ADCY8: variants seen among roughly 807,000 people sequenced by gnomAD.
The protein encoded by ADCY8 is adenylate cyclase 8.
ADCY8 carries 51 observed loss-of-function variants against 119.7 expected under a neutral mutation model. The observed-to-expected ratio is 0.43, with a 90% CI of 0.34 to 0.54. The LOEUF (loss-of-function observed/expected upper bound fraction) is 0.54, where lower values mean the gene tolerates loss of function less well. Among genes scored for constraint, ADCY8 ranks in the 20% least tolerant of loss-of-function variants. The pLI, the probability that ADCY8 is intolerant of heterozygous loss-of-function variation, is 0.03. For missense variants in ADCY8, 1,383 were observed against 1,598.8 expected, an observed-to-expected ratio of 0.87 and a Z score of 2.30; for synonymous variants, 665 against 651.0, an observed-to-expected ratio of 1.02 and a Z score of -0.33.
chr8:130,798,575 G>C (rs1350295696), intron 15 of ADCY8, among the ~76,000 whole-genome samples: 2 of 152,158 alleles, frequency 1.3e-5, no homozygotes, highest in African/African-American at 2.4e-5. Flanking sequence ...TAGAGTTGAT[G>C]AAGGGGAGCC....
At position 130,952,812 on chromosome 8, in the gene ADCY8, G is replaced by A. The variant is rs558641100; in HGVS notation, c.1111-814C>T. 7.9e-5 allele frequency among the ~76,000 whole-genome samples: 12 copies of A among 152,144 alleles called. No homozygotes were observed. In the South Asian group the frequency reaches 2.5e-3, roughly 32 times the overall value. ...AACCGAGATGGCAGGAAAGAAAAAGGGTGTGCCCACCATGATAGCTAGTTT... is the reference window on the plus strand; with the variant it reads ...AACCGAGATGGCAGGAAAGAAAAAGAGTGTGCCCACCATGATAGCTAGTTT... On this transcript the variant is annotated intron_variant, in intron 2 of 17. Transcript: ENST00000286355.
rs1818181505 is a variant in ADCY8 at position 130,867,851 on chromosome 8, A to C, written c.2205T>G (p.Ser735=). The change falls in exon 9 of 18, where the codon TCT becomes TCG. Residue 735 remains serine, a synonymous_variant. Coordinates refer to ENST00000286355, the MANE Select transcript of ADCY8 (RefSeq NM_001115.3). ...FITAIQSLLP[S]SRVMPMTIQF... ...ATTAGTTCTTTTACATTTACCTTGA[A>C]GAAGGAAGCAAACTTTGTATTGCCG... is the stretch of plus-strand genomic sequence containing the variant. 6.2e-7 allele frequency: 1 copy of C among 1,607,848 alleles called. No individual in the cohort carries two copies. The highest frequency in any genetic ancestry group is 1.7e-5 in the Admixed American group (1 of 59,742).
chr8:130,869,518 G>GTT (rs141048498), intron 8 of ADCY8, among the ~76,000 whole-genome samples: 21 of 118,706 alleles, frequency 1.8e-4, no homozygotes, highest in African/African-American at 6.3e-4. Flanking sequence ...ATTTTTTTTT[G>GTT]TTTTTTTGTT....
At chr8:130,948,705 G>T (rs1821180879) in intron 3 of ADCY8, among the ~76,000 whole-genome samples, 1 of 149,940 alleles carries the variant, frequency 6.7e-6, no homozygotes, top group South Asian at 2.1e-4. Flanking sequence ...AGTTTACCAT[G>T]AAGAGGGTGA....
intron 9 of ADCY8, among the ~76,000 whole-genome samples, chr8:130,860,081 T>G (rs1048815153): frequency 1.3e-5 from 2 of 152,176 alleles, no homozygotes; most frequent in African/African-American, 4.8e-5. Context: ...AGTTATTTAT[T>G]TATTTATATA....
At chr8:130,966,039 C>G (rs145619849) in intron 2 of ADCY8, among the ~76,000 whole-genome samples, 97 of 152,280 alleles carry the variant, frequency 6.4e-4, no homozygotes, top group African/African-American at 2.3e-3. Flanking sequence ...TCAAGATACT[C>G]ATATTTTCCT....
At chr8:130,843,950 T>C (rs73716643) in intron 11 of ADCY8, among the ~76,000 whole-genome samples, 8,953 of 152,076 alleles carry the variant, frequency 0.059, 259 homozygotes, top group Non-Finnish European at 0.07. Flanking sequence ...AACCACATTA[T>C]GGAAAAAGGG....
At chr8:130,974,211 C>T (rs1822005758) in intron 2 of ADCY8, among the ~76,000 whole-genome samples, 1 of 152,208 alleles carries the variant, frequency 6.6e-6, no homozygotes, top group Non-Finnish European at 1.5e-5. Flanking sequence ...CCTTTGCTGG[C>T]TCCTGTCTTG....
chr8:130,997,895 C>G (rs1358660282), intron 1 of ADCY8, among the ~76,000 whole-genome samples: 1 of 152,144 alleles, frequency 6.6e-6, no homozygotes, highest in Non-Finnish European at 1.5e-5. Flanking sequence ...TAAGCCACCT[C>G]TGACCCAGAG....
chr8:130,788,960 T>C (rs1815341447), intron 15 of ADCY8, among the ~76,000 whole-genome samples: 1 of 152,128 alleles, frequency 6.6e-6, no homozygotes, highest in Non-Finnish European at 1.5e-5. Context: ...TATAAAATTC[T>C]GGAAAATGCA....
intron 1 of ADCY8, among the ~76,000 whole-genome samples, chr8:131,015,467 C>T (rs1823442824): frequency 6.6e-6 from 1 of 152,112 alleles, no homozygotes; most frequent in South Asian, 2.1e-4. Context: ...CAAACATTTG[C>T]AGCAATTGCC....
chr8:130,836,554 T>A (rs751994797), intron 11 of ADCY8, 105 bp from the exon 12 acceptor site: 28 of 1,275,552 alleles, frequency 2.2e-5, no homozygotes, highest in Non-Finnish European at 2.9e-5. Flanking sequence ...GAGTTTCCAT[T>A]TGGAGGTCTC....
intron 1 of ADCY8, among the ~76,000 whole-genome samples, chr8:131,029,242 A>G (rs1823919096): frequency 1.3e-5 from 2 of 152,246 alleles, no homozygotes. Context: ...AGATGGGACC[A>G]TCTAGCTGCA....
Position 130,780,843 on chromosome 8 carries a change from G to A in ADCY8, c.3303C>T (p.Ile1101=), listed in dbSNP as rs763870480. ...ISHGSVVAGV[I]GAKKPQYDIW... is the part of the protein sequence containing the mutation. ...TGTCATACTGTGGTTTCTTAGCGCC[G>A]ATAACGCCAGCTACCACTGAGCCGT... Residue 1101 remains isoleucine, a synonymous_variant, in exon 18 of 18, where the codon ATC becomes ATT. Transcript: ENST00000286355. 79 of 1,613,942 alleles carry A rather than the reference G, an allele frequency of 4.9e-5. No individual in the cohort carries two copies. Among genetic ancestry groups the A allele is most frequent in the African/African-American group, 2.0e-4 (15 of 74,906 alleles).
At chr8:131,005,622 T>C (rs1823091601) in intron 1 of ADCY8, among the ~76,000 whole-genome samples, 1 of 152,240 alleles carries the variant, frequency 6.6e-6, no homozygotes, top group Non-Finnish European at 1.5e-5. Flanking sequence ...AGTTTCCATT[T>C]GGGCTTTGCC....
intron 2 of ADCY8, among the ~76,000 whole-genome samples, chr8:130,982,242 C>T (rs1323066968): frequency 6.6e-6 from 1 of 152,196 alleles, no homozygotes; most frequent in Non-Finnish European, 1.5e-5. Flanking sequence ...CCACTCAAAA[C>T]CTTCCTGGCA....
At chr8:131,004,149 C>G (rs1563763829) in intron 1 of ADCY8, among the ~76,000 whole-genome samples, 1 of 152,208 alleles carries the variant, frequency 6.6e-6, no homozygotes, top group Non-Finnish European at 1.5e-5. Context: ...TGGATGTAGT[C>G]TAGTGTACCA....
rs1378056811 is a variant in ADCY8 at position 130,952,017 on chromosome 8, G to T, written c.1111-19C>A. ...GCCGCTCCTGGAACAAATGAAGAGGGACGGTCCTGTTAGGCTGACCAGCGA... is the reference window on the plus strand; with the variant it reads ...GCCGCTCCTGGAACAAATGAAGAGGTACGGTCCTGTTAGGCTGACCAGCGA... On this transcript the variant is annotated intron_variant, in intron 2 of 17. Coordinates refer to ENST00000286355, the MANE Select transcript of ADCY8 (RefSeq NM_001115.3). 1.9e-6 allele frequency: 3 copies of T among 1,613,548 alleles called. No individual in the cohort carries two copies. The highest frequency in any genetic ancestry group is 2.5e-6 in the Non-Finnish European group (3 of 1,179,726).
At chr8:130,993,091 A>T (rs1016785570) in intron 1 of ADCY8, among the ~76,000 whole-genome samples, 2 of 152,302 alleles carry the variant, frequency 1.3e-5, no homozygotes, top group Admixed American at 1.3e-4. Flanking sequence ...CTATTTGTAA[A>T]ATATAGTCCT....
Sources: allele counts gnomAD v4.1 joint callset (sites outside exome capture counted in the v4.1 genomes callset), GRCh38; gene constraint gnomAD v4.1.1; transcripts MANE v1.5; gene names NCBI Gene and HGNC (gene_info 2026-07-23, HGNC 2026-07-21).